SOBP: variants seen among roughly 807,000 people sequenced by gnomAD.
The protein encoded by SOBP is sine oculis-binding protein homolog.
SOBP carries 4 observed loss-of-function variants against 53.6 expected under a neutral mutation model. The ratio of observed to expected loss-of-function variants is 0.07; its 90% CI spans 0.04 to 0.17. The LOEUF (loss-of-function observed/expected upper bound fraction) is 0.17, where lower values mean the gene tolerates loss of function less well. Ranked by LOEUF, SOBP falls within the 10% of genes least tolerant of loss-of-function variation. SOBP has a pLI of 1.00. For synonymous variants in SOBP, 584 were observed against 522.6 expected (o/e 1.12, Z -1.60); for missense variants, 1,088 against 1,204.7 (o/e 0.90, Z 1.43).
intron 4 of SOBP, among the ~76,000 whole-genome samples, chr6:107,562,521 A>G (rs1784801225): frequency 6.6e-6 from 1 of 152,210 alleles, no homozygotes; most frequent in Non-Finnish European, 1.5e-5. Flanking sequence ...TGTCTTCCTC[A>G]GATAATTTTT....
intron 5 of SOBP, among the ~76,000 whole-genome samples, chr6:107,623,077 G>A (rs965912837): frequency 1.3e-5 from 2 of 152,148 alleles, no homozygotes; most frequent in African/African-American, 2.4e-5. Flanking sequence ...CTTGGAATAC[G>A]TGATAGCAGA....
At chr6:107,628,045 T>TG (rs1341640925) in intron 5 of SOBP, among the ~76,000 whole-genome samples, 3 of 152,240 alleles carry the variant, frequency 2.0e-5, no homozygotes. Flanking sequence ...TGCCATGTAA[T>TG]GAGTCAAGCA....
chr6:107,526,566 C>G (rs1224528578), intron 3 of SOBP, among the ~76,000 whole-genome samples: 2 of 152,296 alleles, frequency 1.3e-5, no homozygotes, highest in Admixed American at 1.3e-4. Context: ...ATGGCTCTCA[C>G]AACTGTCTGA....
chr6:107,546,717 A>G (rs1784311713), intron 4 of SOBP, among the ~76,000 whole-genome samples: 1 of 151,638 alleles, frequency 6.6e-6, no homozygotes, highest in Admixed American at 6.6e-5. Flanking sequence ...AGAAAAACAA[A>G]ACAAACAAAC....
At position 107,633,981 on chromosome 6, in the gene SOBP, G is replaced by A. The variant is rs1395873763; in HGVS notation, c.1137G>A (p.Pro379=). 21 of 1,613,944 alleles carry A rather than the reference G, an allele frequency of 1.3e-5. No individual in the cohort carries two copies. Among genetic ancestry groups the A allele is most frequent in the Non-Finnish European group, 1.7e-5 (20 of 1,179,960 alleles). ...PASIGPPLGV[P]PRSPPMVMTN... ...GCATCGGGCCTCCCCTTGGCGTCCC[G>A]CCTCGGAGCCCTCCCATGGTGATGA... The change falls in exon 6 of 7, where the codon CCG becomes CCA. Residue 379 remains proline, a synonymous_variant. Transcript: ENST00000317357.
At chr6:107,620,748 G>A (rs1003015431) in intron 5 of SOBP, among the ~76,000 whole-genome samples, 6 of 152,106 alleles carry the variant, frequency 3.9e-5, no homozygotes, top group Non-Finnish European at 5.9e-5. Context: ...AGAAAGGCCC[G>A]CCCTCACATA....
rs1338918122 is a variant in SOBP, at chr6:107,634,971, C to T, written c.2127C>T (p.Gly709=). 2 of 1,017,536 alleles carry T rather than the reference C, an allele frequency of 2.0e-6. No individual in the cohort carries two copies. Among genetic ancestry groups the T allele is most frequent in the African/African-American group, 3.5e-5 (2 of 57,244 alleles). The allele number at this position is 1,017,536 out of a possible 1,614,324, so 63.0% of individuals were successfully genotyped here. ...SPPAAGDPGP[G]APAGPEAAAA... ...CCGCCGCCGGCGACCCAGGCCCGGGCGCCCCGGCGGGCCCCGAGGCGGCCG... is the reference window on the plus strand; with the variant it reads ...CCGCCGCCGGCGACCCAGGCCCGGGTGCCCCGGCGGGCCCCGAGGCGGCCG... The change falls in exon 6 of 7, where the codon GGC becomes GGT. Residue 709 remains glycine, a synonymous_variant. Coordinates refer to ENST00000317357, the MANE Select transcript of SOBP (RefSeq NM_018013.4). The surrounding 1 kb of genome is among the most constrained non-coding windows in gnomAD (Gnocchi z 4.5).
At chr6:107,605,579 G>A (rs1481610103) in intron 5 of SOBP, among the ~76,000 whole-genome samples, 1 of 152,220 alleles carries the variant, frequency 6.6e-6, no homozygotes, top group Non-Finnish European at 1.5e-5. Flanking sequence ...TGTCTCTGCT[G>A]TCTTAGAATG....
chr6:107,566,814 G>A (rs547552077), intron 4 of SOBP, among the ~76,000 whole-genome samples: 3 of 152,318 alleles, frequency 2.0e-5, no homozygotes, highest in Admixed American at 2.0e-4. Context: ...GACTGAAGCT[G>A]TACATCTTCT....
At chr6:107,557,862 G>C (rs1043977071) in intron 4 of SOBP, 1 of 152,148 alleles carries the variant, frequency 6.6e-6, no homozygotes, top group Non-Finnish European at 1.5e-5. Context: ...GTGTCATTCA[G>C]CTTTTCCCAT....
chr6:107,535,410 C>G (rs1028897773), intron 4 of SOBP, among the ~76,000 whole-genome samples: 5 of 152,122 alleles, frequency 3.3e-5, no homozygotes, highest in African/African-American at 1.2e-4. Flanking sequence ...GGGAGGAGGA[C>G]CATCACATTT....
chr6:107,533,003 C>T (rs1213692318), intron 3 of SOBP, among the ~76,000 whole-genome samples: 4 of 152,068 alleles, frequency 2.6e-5, no homozygotes, highest in Non-Finnish European at 5.9e-5. Context: ...TTGAGCCTGG[C>T]GTCTGGTCAA....
intron 6 of SOBP, among the ~76,000 whole-genome samples, chr6:107,651,994 G>A (rs550811709): frequency 6.6e-6 from 1 of 152,264 alleles, no homozygotes; most frequent in South Asian, 2.1e-4. Context: ...ACTGCTTATT[G>A]ACAATGCATT....
At position 107,490,608 on chromosome 6, in the gene SOBP, C is replaced by T; in HGVS notation, c.-9C>T. 2 of 1,596,908 alleles carry T rather than the reference C, an allele frequency of 1.3e-6. No homozygotes were observed. Among genetic ancestry groups the T allele is most frequent in the Non-Finnish European group, 1.7e-6 (2 of 1,170,400 alleles). ...CCATTTCATCTCCACAGAAACCAGA[C>T]ACAAAAACATGGCAGAAATGGAGAA... On this transcript the variant is annotated 5_prime_UTR_variant, in exon 1 of 7. Coordinates refer to ENST00000317357, the MANE Select transcript of SOBP (RefSeq NM_018013.4).
At chr6:107,607,912 G>T (rs894506268) in intron 5 of SOBP, among the ~76,000 whole-genome samples, 2 of 152,192 alleles carry the variant, frequency 1.3e-5, no homozygotes, top group Non-Finnish European at 2.9e-5. Flanking sequence ...GCTCTAGAGA[G>T]AGGTGAGTTG....
intron 5 of SOBP, among the ~76,000 whole-genome samples, chr6:107,603,007 C>T (rs1267997350): frequency 6.6e-6 from 1 of 151,756 alleles, no homozygotes; most frequent in Non-Finnish European, 1.5e-5. Flanking sequence ...TATCTGTTTA[C>T]TGAGGTACTG....
chr6:107,596,603 G>C (rs1469295605), intron 5 of SOBP, among the ~76,000 whole-genome samples: 2 of 152,174 alleles, frequency 1.3e-5, no homozygotes, highest in Non-Finnish European at 2.9e-5. Context: ...ACATACCCCA[G>C]ATAAGCTGAG....
chr6:107,656,313 A>AAGACAGAAAGAC (rs879769368), intron 6 of SOBP, among the ~76,000 whole-genome samples: 1,170 of 43,944 alleles, frequency 0.027, 24 homozygotes, highest in African/African-American at 0.062. Context: ...GAAAGAAAGA[A>AAGACAGAAAGAC]AGAAAGAAAG....
intron 5 of SOBP, among the ~76,000 whole-genome samples, chr6:107,631,671 G>A (rs1583291162): frequency 6.6e-6 from 1 of 152,132 alleles, no homozygotes; most frequent in East Asian, 1.9e-4. Context: ...GAGTATATTA[G>A]CACTGAAATT....
Sources: gnomAD v4.1 joint callset for allele counts (sites outside exome capture counted in the v4.1 genomes callset) on GRCh38, gnomAD v4.1.1 for gene constraint, Gnocchi (gnomAD v3.1) non-coding constraint, MANE v1.5 for transcripts, NCBI Gene and HGNC (gene_info 2026-07-23, HGNC 2026-07-21) for gene names.